The following SESTD1 variants were observed in gnomAD, a reference collection of about 807,000 sequenced individuals.
SESTD1 encodes SEC14 domain and spectrin repeat-containing protein 1.
SESTD1 carries 43 observed loss-of-function variants against 101.7 expected under a neutral mutation model. The ratio of observed to expected loss-of-function variants is 0.42; its 90% CI spans 0.33 to 0.55. The LOEUF is 0.55. Ranked by LOEUF, SESTD1 falls within the 20% of genes least tolerant of loss-of-function variation. The pLI is 0.07. For synonymous variants in SESTD1, 283 were observed against 286.8 expected (o/e 0.99, Z 0.13); for missense variants, 647 against 815.1 (o/e 0.79, Z 2.51).
At chr2:179,111,523 G>GT (rs991846838) in intron 17 of SESTD1, among the ~76,000 whole-genome samples, 13 of 152,168 alleles carry the variant, frequency 8.5e-5, no homozygotes, top group African/African-American at 2.7e-4. Context: ...GTTACAGTGA[G>GT]TAAGTGGTAG....
chr2:179,121,944 A>T lies in SESTD1; in HGVS notation c.1283-15T>A. 6.3e-7 allele frequency: 1 copy of T among 1,591,054 alleles called. No homozygotes were observed. Among genetic ancestry groups the T allele is most frequent in the Non-Finnish European group, 8.5e-7 (1 of 1,172,282 alleles). ...CAATCCCACATCTAAAACAAAAGTT[A>T]CTAGATTTAATCTCTTACACAACTA... On this transcript the variant is annotated splice_polypyrimidine_tract_variant and intron_variant, in intron 12 of 17. Coordinates refer to ENST00000428443, the MANE Select transcript of SESTD1 (RefSeq NM_178123.5).
At chr2:179,221,783 T>C (rs1200708771) in intron 1 of SESTD1, among the ~76,000 whole-genome samples, 1 of 151,266 alleles carries the variant, frequency 6.6e-6, no homozygotes, top group Non-Finnish European at 1.5e-5. Context: ...CCAGGCATGG[T>C]GGTATGCACC....
intron 1 of SESTD1, among the ~76,000 whole-genome samples, chr2:179,215,547 A>T (rs1217166927): frequency 7.4e-6 from 1 of 134,402 alleles, no homozygotes; most frequent in Non-Finnish European, 1.6e-5. Flanking sequence ...TCACAGCCGA[A>T]TTCTAACAGG....
At position 179,177,856 on chromosome 2, in the gene SESTD1, AT is replaced by A. The variant is rs1401214219; in HGVS notation, c.165-1319del. 2.2e-4 allele frequency among the ~76,000 whole-genome samples: 33 copies of A among 152,244 alleles called. 1 individual carries two copies. On this transcript the variant is annotated intron_variant, in intron 3 of 17. Coordinates refer to ENST00000428443, the MANE Select transcript of SESTD1 (RefSeq NM_178123.5). ...CAGTATAACCAAACAATGAGACATT[AT>A]TCAGCCATAAAAAAAGAATGAAGTA... is the stretch of plus-strand genomic sequence containing the variant.
intron 1 of SESTD1, among the ~76,000 whole-genome samples, chr2:179,194,999 G>A (rs1008882680): frequency 3.9e-5 from 6 of 152,158 alleles, no homozygotes; most frequent in Non-Finnish European, 7.3e-5. Context: ...AACAGAATAA[G>A]GGGAACAGAG....
At position 179,109,717 on chromosome 2, in the gene SESTD1, G is replaced by A. The variant is rs980668072; in HGVS notation, c.*182C>T. The A allele has an allele frequency of 1.1e-5, 7 of 665,884 alleles. No individual in the cohort carries two copies. The highest frequency in any genetic ancestry group is 1.7e-5 in the Non-Finnish European group (7 of 408,914). The allele number at this position is 665,884 out of a possible 1,614,324, so 41.2% of individuals were successfully genotyped here. On this transcript the variant is annotated 3_prime_UTR_variant, in exon 18 of 18. Coordinates refer to ENST00000428443, the MANE Select transcript of SESTD1 (RefSeq NM_178123.5). ...GATACTTGGAATCTACAGCCTCGAA[G>A]CATGTTAAGTAATTATGCCTTGGTA...
In SESTD1 at chr2:179,146,494, A is replaced by G. The variant is rs16866660; in HGVS notation, c.582-37T>C. 3,090 of 1,537,642 alleles carry G rather than the reference A, an allele frequency of 2.0e-3. 58 individuals carry two copies. In the African/African-American group the frequency reaches 0.039, roughly 19 times the overall value. On this transcript the variant is annotated intron_variant, in intron 7 of 17. Coordinates refer to ENST00000428443, the MANE Select transcript of SESTD1 (RefSeq NM_178123.5). ...CAAAGGAGTAATTTTCAAAAGGCAT[A>G]TTTCTATCAATGTAACTTTAAAAAT... is the stretch of plus-strand genomic sequence containing the variant.
chr2:179,208,177 A>T (rs1208990757), intron 1 of SESTD1, among the ~76,000 whole-genome samples: 1 of 134,864 alleles, frequency 7.4e-6, no homozygotes, highest in Non-Finnish European at 1.6e-5. Flanking sequence ...AAAAACGACA[A>T]AAAAGAATTT....
At chr2:179,119,722 T>C (rs1436329592) in intron 13 of SESTD1, among the ~76,000 whole-genome samples, 1 of 152,152 alleles carries the variant, frequency 6.6e-6, no homozygotes, top group Admixed American at 6.5e-5. Flanking sequence ...CCCCTTGCTG[T>C]TTTCATGTCA....
Position 179,109,518 on chromosome 2 carries a change from T to C in SESTD1, c.*381A>G, listed in dbSNP as rs2044460489. On this transcript the variant is annotated 3_prime_UTR_variant, in exon 18 of 18. Transcript: ENST00000428443. The stretch of plus-strand genomic sequence containing the variant: ...CAAGAGTTTAACTACTGTCTAAATT[T>C]ACTAAATCACCTGTGGAGGAAGGGC... 2.6e-6 allele frequency: 1 copy of C among 391,854 alleles called. No individual in the cohort carries two copies. Among genetic ancestry groups the C allele is most frequent in the Non-Finnish European group, 4.5e-6 (1 of 221,756 alleles). The allele number at this position is 391,854 out of a possible 1,614,324, so 24.3% of individuals were successfully genotyped here.
intron 5 of SESTD1, among the ~76,000 whole-genome samples, chr2:179,151,961 T>C (rs184789781): frequency 1.4e-4 from 21 of 152,216 alleles, no homozygotes; most frequent in African/African-American, 5.1e-4. Context: ...AAAATGCTAA[T>C]CTTTTAACTC....
At chr2:179,138,870 C>CAAAAAAAAAAA (rs61703699) in intron 9 of SESTD1, among the ~76,000 whole-genome samples, 8 of 65,548 alleles carry the variant, frequency 1.2e-4, no homozygotes, top group African/African-American at 3.5e-4. Context: ...AACCCTGTCT[C>CAAAAAAAAAAA]AAAAAAAAAA....
chr2:179,245,012 A>T (rs2047208696), intron 1 of SESTD1, among the ~76,000 whole-genome samples: 1 of 152,242 alleles, frequency 6.6e-6, no homozygotes, highest in Admixed American at 6.5e-5. Flanking sequence ...ACCAAAAAAG[A>T]TACACAAAGA....
chr2:179,184,832 A>G (rs1344041325), intron 2 of SESTD1, among the ~76,000 whole-genome samples: 1 of 148,614 alleles, frequency 6.7e-6, no homozygotes, highest in Non-Finnish European at 1.5e-5. Context: ...TTGTCTTTAG[A>G]AGATAAATTT....
intron 5 of SESTD1, among the ~76,000 whole-genome samples, chr2:179,161,252 G>A (rs2045730932): frequency 1.3e-5 from 2 of 151,910 alleles, no homozygotes; most frequent in South Asian, 4.1e-4. Context: ...AGATAAAAAT[G>A]TAAGACCAAT....
intron 9 of SESTD1, among the ~76,000 whole-genome samples, chr2:179,136,098 AT>A (rs1392559371): frequency 6.6e-6 from 1 of 152,186 alleles, no homozygotes; most frequent in Non-Finnish European, 1.5e-5. Flanking sequence ...CCTAGCCATG[AT>A]TCTGAATTCT....
chr2:179,127,830 AAC>A lies in SESTD1; in HGVS notation c.973-3274_973-3273del, dbSNP rs202095573. Among the ~76,000 whole-genome samples the A allele has an allele frequency of 4.3e-3, 660 of 152,374 alleles. 4 individuals are homozygous for A. Among genetic ancestry groups the A allele is most frequent in the African/African-American group, 0.015 (613 of 41,590 alleles). ...TTAAACTACATAGTTTATAATGGTT[AAC>A]AGAGACTATTTTAAAGTAGAAAATA... is the stretch of plus-strand genomic sequence containing the variant. On this transcript the variant is annotated intron_variant, in intron 10 of 17. Coordinates refer to ENST00000428443, the MANE Select transcript of SESTD1 (RefSeq NM_178123.5).
intron 1 of SESTD1, among the ~76,000 whole-genome samples, chr2:179,251,429 A>G (rs2047315701): frequency 6.6e-6 from 1 of 152,206 alleles, no homozygotes; most frequent in African/African-American, 2.4e-5. Context: ...GGGTGGATGA[A>G]GATTTATTAG....
rs547144147 is a variant in SESTD1 at position 179,172,773 on chromosome 2, T to C, written c.256-540A>G. ...CACATTTACTTGATATGGTTACTTA[T>C]ACTACCTAATGAACTGAAATGAACA... On this transcript the variant is annotated intron_variant, in intron 4 of 17. Transcript: ENST00000428443. 4.0e-4 allele frequency among the ~76,000 whole-genome samples: 61 copies of C among 152,336 alleles called. 1 individual carries two copies. In the South Asian group the frequency reaches 0.013, roughly 32 times the overall value.
Sources: gnomAD v4.1 joint callset for allele counts (sites outside exome capture counted in the v4.1 genomes callset) on GRCh38, gnomAD v4.1.1 for gene constraint, MANE v1.5 for transcripts, NCBI Gene and HGNC (gene_info 2026-07-23, HGNC 2026-07-21) for gene names.